XYLB: variants seen among roughly 807,000 people sequenced by gnomAD.
XYLB encodes the protein xylulokinase, also known as xylulose kinase.
Under a neutral mutation model 78.7 loss-of-function variants are expected in XYLB, and 62 were observed. The ratio of observed to expected loss-of-function variants is 0.79; its 90% CI spans 0.64 to 0.97. The LOEUF (loss-of-function observed/expected upper bound fraction) is 0.97. Among genes scored for constraint, XYLB ranks in the 50% least tolerant of loss-of-function variants. XYLB has a pLI of 0.00. For synonymous variants in XYLB, 245 were observed against 247.4 expected (o/e 0.99, Z 0.09); for missense variants, 687 against 676.8 (o/e 1.02, Z -0.17).
rs886840019 is a variant in XYLB, at chr3:38,405,988, T to C, written c.1533+5003T>C. ...GACAAACAAAAAGACAGCAGTAACCTCTGCAGTGTTAAATATCCCTGTCTG... is the reference window on the plus strand; with the variant it reads ...GACAAACAAAAAGACAGCAGTAACCCCTGCAGTGTTAAATATCCCTGTCTG... On this transcript the variant is annotated intron_variant, in intron 18 of 18. Transcript: ENST00000207870. Among the ~76,000 whole-genome samples the C allele has an allele frequency of 7.2e-5, 11 of 152,292 alleles. No homozygotes were observed. The East Asian group carries it at 2.1e-3, about 29-fold the overall frequency.
At chr3:38,416,367 T>A (rs1359077840), downstream of XYLB, among the ~76,000 whole-genome samples, 1 of 152,184 alleles carries the variant, frequency 6.6e-6, no homozygotes. Context: ...ATAGAATACA[T>A]AGTATAATTA....
intron 9 of XYLB, among the ~76,000 whole-genome samples, chr3:38,371,496 G>A (rs888418782): frequency 6.6e-6 from 1 of 152,042 alleles, no homozygotes; most frequent in African/African-American, 2.4e-5. Context: ...GGATGGTCTC[G>A]ATCTCCTGAC....
the XYLB span, among the ~76,000 whole-genome samples, chr3:38,445,807 T>C: frequency 1.3e-5 from 2 of 152,186 alleles, no homozygotes; most frequent in Admixed American, 6.5e-5. Context: ...CTAGTCACTT[T>C]TAACTGGCTG....
At chr3:38,371,766 C>G (rs571409942) in intron 9 of XYLB, among the ~76,000 whole-genome samples, 1 of 152,324 alleles carries the variant, frequency 6.6e-6, no homozygotes, top group African/African-American at 2.4e-5. Flanking sequence ...GCCAAACCAT[C>G]AGCATCCAAA....
intron 2 of XYLB, among the ~76,000 whole-genome samples, chr3:38,354,931 T>C (rs1705566685): frequency 6.6e-6 from 1 of 152,274 alleles, no homozygotes; most frequent in African/African-American, 2.4e-5. Context: ...AAGTCTTCTT[T>C]TGAATACTTC....
chr3:38,383,856 G>A (rs765588303), intron 15 of XYLB, among the ~76,000 whole-genome samples: 3 of 152,034 alleles, frequency 2.0e-5, no homozygotes, highest in Non-Finnish European at 2.9e-5. Context: ...TATCATTTAG[G>A]GACATTTTCT....
At chr3:38,419,982 G>A (rs770330487), downstream of XYLB, among the ~76,000 whole-genome samples, 1 of 151,918 alleles carries the variant, frequency 6.6e-6, no homozygotes, top group Non-Finnish European at 1.5e-5. Context: ...ACCATGCCCA[G>A]CTAATTTTTG....
At chr3:38,404,392 G>A (rs993498330) in intron 18 of XYLB, among the ~76,000 whole-genome samples, 3 of 152,208 alleles carry the variant, frequency 2.0e-5, no homozygotes, top group Non-Finnish European at 2.9e-5. Context: ...CAGACTTATC[G>A]TGGACTCAGA....
At chr3:38,371,056 G>A (rs1204189095) in intron 9 of XYLB, among the ~76,000 whole-genome samples, 4 of 152,210 alleles carry the variant, frequency 2.6e-5, no homozygotes, top group African/African-American at 9.6e-5. Flanking sequence ...CTTGGGCCAT[G>A]TGGAGGAGGG....
At chr3:38,362,182 C>T (rs1281426302) in intron 3 of XYLB, among the ~76,000 whole-genome samples, 1 of 152,190 alleles carries the variant, frequency 6.6e-6, no homozygotes, top group African/African-American at 2.4e-5. Context: ...GCAGTGAAGT[C>T]AGATCACTAA....
At chr3:38,372,621 A>T in intron 9 of XYLB, 34 bp from the exon 10 acceptor site, 1 of 1,613,748 alleles carries the variant, frequency 6.2e-7, no homozygotes, top group East Asian at 2.2e-5. Flanking sequence ...GATTTACCTC[A>T]ACAGAGCACC....
At chr3:38,417,804 C>T (rs1048977816), downstream of XYLB, among the ~76,000 whole-genome samples, 4 of 146,264 alleles carry the variant, frequency 2.7e-5, no homozygotes, top group South Asian at 4.3e-4. Flanking sequence ...CGCTTGAACC[C>T]GGGAGGTTGA....
intron 18 of XYLB, among the ~76,000 whole-genome samples, chr3:38,410,676 A>G (rs1215651760): frequency 6.6e-6 from 1 of 152,182 alleles, no homozygotes; most frequent in Non-Finnish European, 1.5e-5. Flanking sequence ...ATGAACTCAA[A>G]CAAATTTACA....
chr3:38,373,439 T>C (rs1706680384), intron 10 of XYLB, among the ~76,000 whole-genome samples: 1 of 152,268 alleles, frequency 6.6e-6, no homozygotes, highest in Non-Finnish European at 1.5e-5. Context: ...ATTTCTGTCC[T>C]TTCAGTCTTC....
At chr3:38,387,515 C>T (rs1313248043) in intron 15 of XYLB, among the ~76,000 whole-genome samples, 1 of 152,034 alleles carries the variant, frequency 6.6e-6, no homozygotes, top group African/African-American at 2.4e-5. Context: ...GGACTACAGG[C>T]AAGCGCCACC....
At chr3:38,436,836 T>A in the XYLB span, among the ~76,000 whole-genome samples, 2 of 151,808 alleles carry the variant, frequency 1.3e-5, no homozygotes, top group East Asian at 3.9e-4. Context: ...AAAACCCATC[T>A]CTACTAAAAA....
At chr3:38,409,430 A>T (rs1462840906) in intron 18 of XYLB, among the ~76,000 whole-genome samples, 3 of 152,246 alleles carry the variant, frequency 2.0e-5, no homozygotes, top group Admixed American at 1.3e-4. Context: ...AGCCAATATC[A>T]TACTGAATGG....
intron 2 of XYLB, among the ~76,000 whole-genome samples, chr3:38,354,071 T>G (rs3132440): frequency 6.6e-6 from 1 of 151,718 alleles, no homozygotes; most frequent in Non-Finnish European, 1.5e-5. Context: ...AATATGTTTG[T>G]TTGTTTGTTT....
chr3:38,347,065 G>C, intron 1 of XYLB, 140 bp downstream of exon 1: 2 of 808,342 alleles, frequency 2.5e-6, no homozygotes, highest in Non-Finnish European at 1.7e-6. Context: ...GGGCCCCCGC[G>C]CCCCTGCCCT....
Sources: gnomAD v4.1 joint callset for allele counts (sites outside exome capture counted in the v4.1 genomes callset) on GRCh38, gnomAD v4.1.1 for gene constraint, MANE v1.5 for transcripts, NCBI Gene and HGNC (gene_info 2026-07-23, HGNC 2026-07-21) for gene names.